Variants in DIP2C observed in about 807,000 individuals in gnomAD.
The protein encoded by DIP2C is disco-interacting protein 2 homolog C.
In DIP2C, 33 loss-of-function variants were observed where a neutral mutation model predicts 192.4. That is an observed-to-expected ratio of 0.17 (90% CI 0.13 to 0.23). The LOEUF (loss-of-function observed/expected upper bound fraction) is 0.23. Ranked by LOEUF, DIP2C falls within the 10% of genes least tolerant of loss-of-function variation. The pLI, the probability that DIP2C is intolerant of heterozygous loss-of-function variation, is 1.00. For synonymous variants in DIP2C, 979 were observed against 864.1 expected (o/e 1.13, Z -2.33); for missense variants, 1,537 against 2,110.1 (o/e 0.73, Z 5.32).
intron 1 of DIP2C, among the ~76,000 whole-genome samples, chr10:682,690 T>C (rs1462011454): frequency 6.6e-6 from 1 of 152,182 alleles, no homozygotes; most frequent in Non-Finnish European, 1.5e-5. Context: ...ATTTTTTAAT[T>C]TTTAATGGTA....
At chr10:317,784 A>G (rs1193246243) in intron 31 of DIP2C, among the ~76,000 whole-genome samples, 1 of 152,210 alleles carries the variant, frequency 6.6e-6, no homozygotes, top group Non-Finnish European at 1.5e-5. Flanking sequence ...CAGATCCAAC[A>G]TGATTATCTG....
chr10:655,578 T>C (rs1856238451), intron 1 of DIP2C, among the ~76,000 whole-genome samples: 1 of 152,220 alleles, frequency 6.6e-6, no homozygotes, highest in Non-Finnish European at 1.5e-5. Context: ...CTGTCCTCTC[T>C]GTTCTGTGCT....
chr10:336,059 G>A (rs930338232), intron 29 of DIP2C, among the ~76,000 whole-genome samples: 3 of 151,850 alleles, frequency 2.0e-5, no homozygotes, highest in Admixed American at 6.6e-5. Context: ...CACTACACCC[G>A]GCTAACTAAA....
At chr10:312,750 A>G (rs1956617849) in intron 31 of DIP2C, among the ~76,000 whole-genome samples, 1 of 152,244 alleles carries the variant, frequency 6.6e-6, no homozygotes. Context: ...TAACTCGCCA[A>G]TAAAGGTGTG....
chr10:474,530 C>T (rs1044477333), intron 2 of DIP2C, among the ~76,000 whole-genome samples: 3 of 149,998 alleles, frequency 2.0e-5, no homozygotes, highest in East Asian at 2.0e-4. Context: ...AACGTGCTAC[C>T]GTCACTGGGC....
At chr10:510,912 C>T (rs907169929) in intron 1 of DIP2C, among the ~76,000 whole-genome samples, 3 of 152,196 alleles carry the variant, frequency 2.0e-5, no homozygotes, top group Non-Finnish European at 4.4e-5. Context: ...ATCACTTAGT[C>T]ATACGGGGGC....
At chr10:342,466 C>T (rs1958202789) in intron 28 of DIP2C, among the ~76,000 whole-genome samples, 1 of 152,038 alleles carries the variant, frequency 6.6e-6, no homozygotes, top group Non-Finnish European at 1.5e-5. Flanking sequence ...CCTCGTGTGA[C>T]CCTCTCTCTA....
chr10:370,044 C>T, intron 17 of DIP2C: 1 of 985,450 alleles, frequency 1.0e-6, no homozygotes, highest in Non-Finnish European at 1.2e-6. Context: ...GGTGCATCCA[C>T]TCCAAGAATG....
chr10:587,389 C>T (rs1034633723), intron 1 of DIP2C, among the ~76,000 whole-genome samples: 1 of 152,222 alleles, frequency 6.6e-6, no homozygotes, highest in Admixed American at 6.5e-5. Flanking sequence ...CGGGATCACA[C>T]ACAGGAACAG....
intron 29 of DIP2C, among the ~76,000 whole-genome samples, chr10:334,969 C>G (rs1564571274): frequency 6.6e-6 from 1 of 152,104 alleles, no homozygotes; most frequent in African/African-American, 2.4e-5. Context: ...AAAAAACCCC[C>G]AAAAAATAGC....
chr10:586,131 G>A (rs944947411), intron 1 of DIP2C, among the ~76,000 whole-genome samples: 9 of 152,090 alleles, frequency 5.9e-5, no homozygotes, highest in East Asian at 1.9e-4. Flanking sequence ...CCTCAACCAC[G>A]TCTTCATTCC....
At chr10:572,838 G>GC (rs1274276533) in intron 1 of DIP2C, among the ~76,000 whole-genome samples, 1 of 152,122 alleles carries the variant, frequency 6.6e-6, no homozygotes, top group African/African-American at 2.4e-5. Flanking sequence ...AAAGACCAGG[G>GC]CAGCCAGGAA....
At chr10:341,560 T>C (rs970498373) in intron 28 of DIP2C, among the ~76,000 whole-genome samples, 8 of 151,770 alleles carry the variant, frequency 5.3e-5, no homozygotes, top group Admixed American at 5.2e-4. Flanking sequence ...CAAGGCTGTG[T>C]TGAACGCATC....
chr10:425,748 T>C (rs1966554332), intron 4 of DIP2C, among the ~76,000 whole-genome samples: 2 of 152,260 alleles, frequency 1.3e-5, no homozygotes, highest in African/African-American at 4.8e-5. Context: ...AGTGAATTAA[T>C]GTCATACACC....
intron 32 of DIP2C, among the ~76,000 whole-genome samples, chr10:298,654 C>G (rs952977451): frequency 2.6e-5 from 4 of 152,190 alleles, no homozygotes; most frequent in African/African-American, 9.7e-5. Context: ...GTCTAATGAC[C>G]GTGGGGCTGC....
chr10:662,952 T>C (rs764308880), intron 1 of DIP2C: 5 of 716,818 alleles, frequency 7.0e-6, no homozygotes, highest in South Asian at 1.5e-5. Context: ...AGCTCCGACC[T>C]CTGTGATTAA....
At chr10:537,409 T>C (rs1488417720) in intron 1 of DIP2C, among the ~76,000 whole-genome samples, 1 of 152,214 alleles carries the variant, frequency 6.6e-6, no homozygotes, top group Non-Finnish European at 1.5e-5. Flanking sequence ...AGGATCACCC[T>C]GGCGCAGACT....
In DIP2C at chr10:683,741, G is replaced by T. The variant is rs1831213758; in HGVS notation, c.85+5753C>A. On this transcript the variant is annotated intron_variant, in intron 1 of 36. Transcript: ENST00000280886. The stretch of plus-strand genomic sequence containing the variant: ...CCTGGGCTGGTGACTCAGCCAATGT[G>T]CACAGCATCAAAACCCAGGTTCCTC... Among the ~76,000 whole-genome samples, 3 of 152,300 alleles carry T rather than the reference G, an allele frequency of 2.0e-5. 1 individual carries two copies. The South Asian group carries it at 6.2e-4, about 32-fold the overall frequency.
chr10:434,383 A>G (rs1967005087), intron 4 of DIP2C, among the ~76,000 whole-genome samples: 1 of 152,164 alleles, frequency 6.6e-6, no homozygotes, highest in Non-Finnish European at 1.5e-5. Context: ...CCTGGGCTCA[A>G]GTGACCCTCC....
Sources: gnomAD v4.1 joint callset for allele counts (sites outside exome capture counted in the v4.1 genomes callset) on GRCh38, gnomAD v4.1.1 for gene constraint, MANE v1.5 for transcripts, NCBI Gene and HGNC (gene_info 2026-07-23, HGNC 2026-07-21) for gene names.